The following GNAQ variants were observed in gnomAD, a reference collection of about 807,000 sequenced individuals.
GNAQ encodes the protein G protein subunit alpha q.
A neutral mutation model predicts 43.9 loss-of-function variants in GNAQ; 8 were observed. The observed-to-expected ratio is 0.18, with a 90% CI of 0.11 to 0.33. The LOEUF (loss-of-function observed/expected upper bound fraction) is 0.33. GNAQ is among the 10% of genes least tolerant of loss of function. The pLI is 1.00. For synonymous variants in GNAQ, 155 were observed against 170.7 expected, an observed-to-expected ratio of 0.91 and a Z score of 0.71; for missense variants, 158 against 450.8, an observed-to-expected ratio of 0.35 and a Z score of 5.88.
chr9:77,968,225 A>T (rs1823193830), intron 1 of GNAQ, among the ~76,000 whole-genome samples: 1 of 152,216 alleles, frequency 6.6e-6, no homozygotes, highest in Non-Finnish European at 1.5e-5. Context: ...TTTTAAAGAT[A>T]AAGAACTGAA....
At chr9:77,866,856 T>A (rs1310018694) in intron 2 of GNAQ, among the ~76,000 whole-genome samples, 1 of 152,224 alleles carries the variant, frequency 6.6e-6, no homozygotes, top group Non-Finnish European at 1.5e-5. Context: ...AACACAGTCG[T>A]CATCTGGAGT....
At chr9:77,739,944 AG>A (rs1825629067) in intron 5 of GNAQ, among the ~76,000 whole-genome samples, 1 of 152,232 alleles carries the variant, frequency 6.6e-6, no homozygotes, top group Non-Finnish European at 1.5e-5. Context: ...GTAATGTCCC[AG>A]GAAGATTTGA....
At chr9:77,990,382 A>C (rs567102251) in intron 1 of GNAQ, among the ~76,000 whole-genome samples, 1 of 152,130 alleles carries the variant, frequency 6.6e-6, no homozygotes, top group Non-Finnish European at 1.5e-5. Flanking sequence ...ATTATGGCCC[A>C]TTAATTTTTA....
chr9:77,797,017 A>C (rs1396747152), intron 4 of GNAQ, among the ~76,000 whole-genome samples: 2 of 152,154 alleles, frequency 1.3e-5, no homozygotes, highest in African/African-American at 4.8e-5. Flanking sequence ...CAAATGTTCT[A>C]GTACAAGTAC....
intron 1 of GNAQ, among the ~76,000 whole-genome samples, chr9:77,938,556 T>G (rs1405156822): frequency 6.6e-6 from 1 of 151,848 alleles, no homozygotes; most frequent in Non-Finnish European, 1.5e-5. Flanking sequence ...GTGGTGAAAA[T>G]GGGCAAGAAG....
intron 2 of GNAQ, among the ~76,000 whole-genome samples, chr9:77,828,093 A>AAAAAAAAAAAAAAAAAT (rs1827233806): frequency 6.9e-6 from 1 of 144,282 alleles, no homozygotes; most frequent in Non-Finnish European, 1.5e-5. Flanking sequence ...AAAAAAAAAA[A>AAAAAAAAAAAAAAAAAT]GAAGGGGCAG....
intron 5 of GNAQ, among the ~76,000 whole-genome samples, chr9:77,734,360 G>A (rs1201613280): frequency 6.6e-6 from 1 of 152,122 alleles, no homozygotes; most frequent in South Asian, 2.1e-4. Flanking sequence ...TCTCTCCCGG[G>A]TGGTATTTTT....
chr9:77,765,955 A>G (rs1826129296), intron 5 of GNAQ, among the ~76,000 whole-genome samples: 2 of 152,376 alleles, frequency 1.3e-5, no homozygotes, highest in Admixed American at 6.5e-5. Flanking sequence ...TCTTGATGAC[A>G]TTATGCTAAG....
intron 2 of GNAQ, among the ~76,000 whole-genome samples, chr9:77,899,552 C>A (rs77006413): frequency 9.4e-4 from 129 of 137,102 alleles, no homozygotes; most frequent in South Asian, 1.6e-3. Context: ...ATCACATTAA[C>A]AAAAAAAAAA....
intron 5 of GNAQ, among the ~76,000 whole-genome samples, chr9:77,791,746 T>C (rs1826577438): frequency 3.3e-5 from 5 of 152,208 alleles, no homozygotes. Context: ...GCAATGCATT[T>C]TCCACAGTTT....
At chr9:77,892,073 C>G (rs1372111580) in intron 2 of GNAQ, among the ~76,000 whole-genome samples, 1 of 152,104 alleles carries the variant, frequency 6.6e-6, no homozygotes, top group African/African-American at 2.4e-5. Context: ...TCTTGAGCAG[C>G]AAATTATATT....
chr9:77,803,652 A>T (rs1326178882), intron 3 of GNAQ, among the ~76,000 whole-genome samples: 1 of 152,218 alleles, frequency 6.6e-6, no homozygotes, highest in Non-Finnish European at 1.5e-5. Context: ...TATGATCCTT[A>T]CCTGCAAGGA....
intron 5 of GNAQ, among the ~76,000 whole-genome samples, chr9:77,736,266 C>G (rs1044395926): frequency 7.2e-5 from 11 of 152,172 alleles, no homozygotes; most frequent in Admixed American, 7.2e-4. Context: ...GCTCAATACG[C>G]TCAACCCCAG....
At chr9:77,990,931 G>A (rs11145644) in intron 1 of GNAQ, among the ~76,000 whole-genome samples, 11 of 152,066 alleles carry the variant, frequency 7.2e-5, no homozygotes, top group African/African-American at 2.7e-4. Flanking sequence ...TTATACATAC[G>A]AAAGAAAATC....
At chr9:78,024,385 C>T (rs182914648) in intron 1 of GNAQ, among the ~76,000 whole-genome samples, 110 of 152,292 alleles carry the variant, frequency 7.2e-4, no homozygotes, top group Non-Finnish European at 1.2e-3. Flanking sequence ...CTTCCGATTA[C>T]CCTCCATTCT....
chr9:77,825,761 TA>T (rs1404000184), intron 2 of GNAQ, among the ~76,000 whole-genome samples: 1 of 151,972 alleles, frequency 6.6e-6, no homozygotes, highest in Non-Finnish European at 1.5e-5. Flanking sequence ...AATGCTTCAT[TA>T]AAAAAATAAA....
intron 1 of GNAQ, among the ~76,000 whole-genome samples, chr9:78,017,908 A>AT (rs1823858898): frequency 6.6e-6 from 1 of 152,224 alleles, no homozygotes; most frequent in African/African-American, 2.4e-5. Context: ...AAAGTTTAGA[A>AT]TTATGTACCA....
At chr9:77,974,790 A>C (rs1335459715) in intron 1 of GNAQ, among the ~76,000 whole-genome samples, 1 of 152,226 alleles carries the variant, frequency 6.6e-6, no homozygotes, top group Non-Finnish European at 1.5e-5. Context: ...AGGTTTAATT[A>C]ATACAAACTG....
intron 5 of GNAQ, among the ~76,000 whole-genome samples, chr9:77,785,584 T>C (rs1826464159): frequency 6.6e-6 from 1 of 152,194 alleles, no homozygotes; most frequent in Non-Finnish European, 1.5e-5. Context: ...TGTGTTCACT[T>C]TGTGACAATT....
Sources: allele counts gnomAD v4.1 joint callset (sites outside exome capture counted in the v4.1 genomes callset), GRCh38; gene constraint gnomAD v4.1.1; transcripts MANE v1.5; gene names NCBI Gene and HGNC (gene_info 2026-07-23, HGNC 2026-07-21).